The following NALF1 variants were observed in gnomAD, a reference collection of about 807,000 sequenced individuals.
NALF1 encodes family with sequence similarity 155 member A.
Under a neutral mutation model 48.4 loss-of-function variants are expected in NALF1, and 3 were observed. That is an observed-to-expected ratio of 0.06 (90% confidence interval 0.03 to 0.16). The LOEUF (loss-of-function observed/expected upper bound fraction) is 0.16. Ranked by LOEUF, NALF1 falls within the 10% of genes least tolerant of loss-of-function variation. NALF1 has a pLI of 1.00. For synonymous variants in NALF1, 262 were observed against 245.7 expected (o/e 1.07, Z -0.62); for missense variants, 526 against 571.5 (o/e 0.92, Z 0.81).
At chr13:107,685,882 C>T (rs1203872094) in intron 1 of NALF1, among the ~76,000 whole-genome samples, 1 of 152,178 alleles carries the variant, frequency 6.6e-6, no homozygotes, top group African/African-American at 2.4e-5. Context: ...TCTGAGTCCT[C>T]GGTGTTCCGT....
chr13:107,718,770 C>G (rs931164957), intron 1 of NALF1, among the ~76,000 whole-genome samples: 38 of 152,220 alleles, frequency 2.5e-4, no homozygotes, highest in African/African-American at 9.2e-4. Flanking sequence ...AATATGGCAG[C>G]CAATAGCTAC....
At chr13:107,682,059 G>T (rs1881318281) in intron 1 of NALF1, among the ~76,000 whole-genome samples, 1 of 152,104 alleles carries the variant, frequency 6.6e-6, no homozygotes, top group Non-Finnish European at 1.5e-5. Flanking sequence ...CAGGCACTGG[G>T]AACATATTAA....
chr13:107,767,567 C>T (rs1246339890), intron 1 of NALF1, among the ~76,000 whole-genome samples: 2 of 152,180 alleles, frequency 1.3e-5, no homozygotes, highest in African/African-American at 4.8e-5. Flanking sequence ...AATCTTAGAA[C>T]TGCAAGTGTA....
intron 1 of NALF1, among the ~76,000 whole-genome samples, chr13:107,674,966 A>G (rs1881077464): frequency 1.3e-5 from 2 of 152,178 alleles, no homozygotes; most frequent in African/African-American, 4.8e-5. Flanking sequence ...TGAGGAGGCT[A>G]AGAAGTAGGT....
chr13:107,436,077 A>G (rs948432614), intron 1 of NALF1, among the ~76,000 whole-genome samples: 1 of 152,196 alleles, frequency 6.6e-6, no homozygotes, highest in African/African-American at 2.4e-5. Context: ...GGCAAGACAC[A>G]CCAACGGCAA....
At chr13:107,396,296 G>A (rs778036025) in intron 1 of NALF1, among the ~76,000 whole-genome samples, 8 of 152,076 alleles carry the variant, frequency 5.3e-5, no homozygotes, top group Non-Finnish European at 1.0e-4. Flanking sequence ...AAAAATGTGA[G>A]AGAACACAGT....
intron 1 of NALF1, among the ~76,000 whole-genome samples, chr13:107,720,244 G>T (rs1458037187): frequency 6.6e-6 from 1 of 152,164 alleles, no homozygotes; most frequent in Non-Finnish European, 1.5e-5. Flanking sequence ...GGGCACGGTG[G>T]CTCATGCCTG....
intron 1 of NALF1, among the ~76,000 whole-genome samples, chr13:107,485,407 G>C (rs1354205437): frequency 6.6e-6 from 1 of 152,082 alleles, no homozygotes; most frequent in Non-Finnish European, 1.5e-5. Context: ...AATGACATCA[G>C]TCCTCATGTT....
chr13:107,259,525 G>A (rs1158674993), intron 1 of NALF1, among the ~76,000 whole-genome samples: 1 of 152,168 alleles, frequency 6.6e-6, no homozygotes, highest in African/African-American at 2.4e-5. Flanking sequence ...TGGAGTGAGT[G>A]AGTGAATGCA....
intron 2 of NALF1, among the ~76,000 whole-genome samples, chr13:107,200,172 A>G (rs1879480957): frequency 6.6e-6 from 1 of 152,214 alleles, no homozygotes; most frequent in Non-Finnish European, 1.5e-5. Context: ...CAGCAGAAGC[A>G]CAGGGTGCTC....
At chr13:107,245,092 A>G (rs1231686918) in intron 1 of NALF1, among the ~76,000 whole-genome samples, 1 of 152,214 alleles carries the variant, frequency 6.6e-6, no homozygotes, top group Non-Finnish European at 1.5e-5. Context: ...CCAGAATCAG[A>G]AAGATGCATC....
At chr13:107,270,734 T>C (rs1290713544) in intron 1 of NALF1, among the ~76,000 whole-genome samples, 3 of 152,000 alleles carry the variant, frequency 2.0e-5, no homozygotes, top group Non-Finnish European at 4.4e-5. Context: ...TACATATGTA[T>C]ACATGTGCCA....
intron 1 of NALF1, among the ~76,000 whole-genome samples, chr13:107,437,912 A>C (rs7986988): frequency 0.051 from 7,821 of 152,296 alleles, 312 homozygotes; most frequent in African/African-American, 0.11. Context: ...TGAAGCATTT[A>C]TTGGTGAAGT....
intron 1 of NALF1, among the ~76,000 whole-genome samples, chr13:107,491,181 G>A (rs985282843): frequency 6.6e-6 from 1 of 152,172 alleles, no homozygotes; most frequent in Admixed American, 6.5e-5. Context: ...CAACTGAAAG[G>A]ATGGTTGTTC....
chr13:107,756,929 A>G (rs1227230899), intron 1 of NALF1, among the ~76,000 whole-genome samples: 3 of 152,220 alleles, frequency 2.0e-5, no homozygotes, highest in African/African-American at 4.8e-5. Context: ...CATTATTGTT[A>G]TAAGTTCATA....
intron 1 of NALF1, among the ~76,000 whole-genome samples, chr13:107,358,550 T>C (rs1883004408): frequency 6.6e-6 from 1 of 152,150 alleles, no homozygotes; most frequent in South Asian, 2.1e-4. Context: ...TTTGGAACAC[T>C]AGGCCTCATT....
intron 1 of NALF1, among the ~76,000 whole-genome samples, chr13:107,812,965 A>C (rs1484602147): frequency 6.6e-6 from 1 of 152,122 alleles, no homozygotes; most frequent in Non-Finnish European, 1.5e-5. Context: ...CATGTTGTCC[A>C]GGCCAGTCTT....
intron 1 of NALF1, among the ~76,000 whole-genome samples, chr13:107,390,879 A>AATG (rs1280630751): frequency 8.6e-6 from 1 of 116,366 alleles, no homozygotes; most frequent in Non-Finnish European, 2.0e-5. Context: ...CCAGAAGGTT[A>AATG]ATAATAATAA....
intron 1 of NALF1, among the ~76,000 whole-genome samples, chr13:107,746,895 C>T (rs78810887): frequency 6.6e-6 from 1 of 152,002 alleles, no homozygotes; most frequent in Non-Finnish European, 1.5e-5. Flanking sequence ...AAAATGTACT[C>T]GAAATGGAAT....
Sources: gnomAD v4.1 joint callset for allele counts (sites outside exome capture counted in the v4.1 genomes callset) on GRCh38, gnomAD v4.1.1 for gene constraint, MANE v1.5 for transcripts, NCBI Gene and HGNC (gene_info 2026-07-23, HGNC 2026-07-21) for gene names.